Variants in MACROD2 observed in about 807,000 individuals in gnomAD.
MACROD2 encodes the protein ADP-ribose glycohydrolase MACROD2.
In MACROD2, 36 loss-of-function variants were observed where a neutral mutation model predicts 70.4. The observed-to-expected ratio is 0.51, with a 90% CI of 0.39 to 0.68. The LOEUF is 0.68. MACROD2 is among the 30% of genes least tolerant of loss of function. MACROD2 has a pLI of 0.00. For synonymous variants in MACROD2, 172 were observed against 178.8 expected, an observed-to-expected ratio of 0.96 and a Z score of 0.30; for missense variants, 496 against 538.4, an observed-to-expected ratio of 0.92 and a Z score of 0.78.
At chr20:16,033,352 C>T (rs2147588082) in intron 15 of MACROD2, among the ~76,000 whole-genome samples, 1 of 152,212 alleles carries the variant, frequency 6.6e-6, no homozygotes, top group South Asian at 2.1e-4. Context: ...GAGATTTAAT[C>T]TAGCTACATC....
rs2076984620 is a variant in MACROD2 at position 15,233,983 on chromosome 20, T to TATATA, written c.540+3922_540+3923insATATA. 3.8e-3 allele frequency among the ~76,000 whole-genome samples: 167 copies of TATATA among 43,982 alleles called. 5 individuals are homozygous for TATATA. Among genetic ancestry groups the TATATA allele is most frequent in the Non-Finnish European group, 5.8e-3 (142 of 24,574 alleles). 28.9% of individuals were successfully genotyped at this position (43,982 alleles called of 152,430 possible). ...AAAATTTATTTTTATATATATTTATTTATATATATATATATATATATATAT... is the reference window on the plus strand; with the variant it reads ...AAAATTTATTTTTATATATATTTATTATATATATATATATATATATATATATATAT... On this transcript the variant is annotated intron_variant, in intron 6 of 17. Transcript: ENST00000684519.
intron 8 of MACROD2, among the ~76,000 whole-genome samples, chr20:15,815,592 C>A (rs6135555): frequency 0.48 from 72,313 of 151,822 alleles, 18,052 homozygotes; most frequent in African/African-American, 0.63. Flanking sequence ...TGACATCTTC[C>A]TGATCGTAGC....
At chr20:14,474,072 C>A (rs955416285) in intron 3 of MACROD2, among the ~76,000 whole-genome samples, 11 of 151,502 alleles carry the variant, frequency 7.3e-5, no homozygotes, top group Admixed American at 2.0e-4. Flanking sequence ...GATATTAACC[C>A]CTTGTTAGAT....
intron 8 of MACROD2, among the ~76,000 whole-genome samples, chr20:15,584,719 G>A (rs1410435804): frequency 6.6e-6 from 1 of 152,164 alleles, no homozygotes; most frequent in Non-Finnish European, 1.5e-5. Flanking sequence ...GCCGGGGCTG[G>A]TTACCACCTT....
At chr20:14,983,534 G>C (rs2074821057) in intron 5 of MACROD2, among the ~76,000 whole-genome samples, 1 of 152,132 alleles carries the variant, frequency 6.6e-6, no homozygotes, top group Admixed American at 6.5e-5. Flanking sequence ...CTGTTCTCGT[G>C]ATAGGGAATA....
At chr20:14,834,874 A>ATATATG (rs1191981306) in intron 5 of MACROD2, among the ~76,000 whole-genome samples, 2 of 151,928 alleles carry the variant, frequency 1.3e-5, no homozygotes, top group African/African-American at 4.8e-5. Context: ...ATATGTGTGT[A>ATATATG]TATATGTATA....
chr20:15,024,344 A>G (rs2122976185), intron 5 of MACROD2, among the ~76,000 whole-genome samples: 1 of 152,298 alleles, frequency 6.6e-6, no homozygotes, highest in South Asian at 2.1e-4. Flanking sequence ...TTTTAACAGG[A>G]AGGACAAGAA....
intron 5 of MACROD2, among the ~76,000 whole-genome samples, chr20:15,048,413 G>A (rs1486220084): frequency 6.6e-6 from 1 of 151,276 alleles, no homozygotes; most frequent in Non-Finnish European, 1.5e-5. Flanking sequence ...CTCTTTGACT[G>A]TTTCATCTCA....
chr20:15,443,919 A>C (rs1241280817), intron 7 of MACROD2, among the ~76,000 whole-genome samples: 2 of 152,178 alleles, frequency 1.3e-5, no homozygotes, highest in Non-Finnish European at 2.9e-5. Flanking sequence ...AGACGATAAC[A>C]GGAGAGTCAG....
At chr20:15,719,330 C>T (rs897709209) in intron 8 of MACROD2, among the ~76,000 whole-genome samples, 1 of 152,142 alleles carries the variant, frequency 6.6e-6, no homozygotes, top group Non-Finnish European at 1.5e-5. Context: ...GGTACTGCAG[C>T]AAACTAACAG....
chr20:15,089,034 G>GT (rs1039674004), intron 5 of MACROD2, among the ~76,000 whole-genome samples: 2 of 152,060 alleles, frequency 1.3e-5, no homozygotes, highest in African/African-American at 2.4e-5. Flanking sequence ...GAGTAGGACA[G>GT]TTTTTTTTCT....
At chr20:15,306,501 C>T (rs2077699153) in intron 6 of MACROD2, among the ~76,000 whole-genome samples, 1 of 152,140 alleles carries the variant, frequency 6.6e-6, no homozygotes, top group South Asian at 2.1e-4. Context: ...CCCAAAGTAT[C>T]ATAGGTGTTT....
At chr20:15,634,122 C>G (rs2049331284) in intron 8 of MACROD2, among the ~76,000 whole-genome samples, 1 of 152,170 alleles carries the variant, frequency 6.6e-6, no homozygotes, top group Non-Finnish European at 1.5e-5. Context: ...AAACGATGAG[C>G]ATACAGGTAA....
intron 8 of MACROD2, among the ~76,000 whole-genome samples, chr20:15,554,503 T>C (rs2048139775): frequency 6.6e-6 from 1 of 152,044 alleles, no homozygotes; most frequent in Admixed American, 6.5e-5. Context: ...AAGTTTCATA[T>C]TTTTGGCTTT....
intron 3 of MACROD2, among the ~76,000 whole-genome samples, chr20:14,089,424 C>A (rs1455660496): frequency 6.6e-6 from 1 of 152,162 alleles, no homozygotes; most frequent in African/African-American, 2.4e-5. Flanking sequence ...GCCAAAGCAG[C>A]CCAGTTGTCA....
chr20:15,643,182 T>C lies in MACROD2; in HGVS notation c.645+143335T>C, dbSNP rs577869312. Among the ~76,000 whole-genome samples, 10 of 152,318 alleles carry C rather than the reference T, an allele frequency of 6.6e-5. No homozygotes were observed. In the South Asian group the frequency reaches 1.5e-3, roughly 22 times the overall value. The stretch of plus-strand genomic sequence containing the variant: ...CTTCCACCAGCTGTTCAACGTTCTC[T>C]ACAACCTGACCTGCTTACATGTTAA... On this transcript the variant is annotated intron_variant, in intron 8 of 17. Transcript: ENST00000684519.
In MACROD2 at chr20:14,354,965, T is replaced by C. The variant is rs140455462; in HGVS notation, c.272-138514T>C. On this transcript the variant is annotated intron_variant, in intron 3 of 17. Transcript: ENST00000684519. ...TCTGTGTTGCTGCAAAGATATGATTTCATTCTTTCTTATGGCTGTGTAATA... is the reference window on the plus strand; with the variant it reads ...TCTGTGTTGCTGCAAAGATATGATTCCATTCTTTCTTATGGCTGTGTAATA... Among the ~76,000 whole-genome samples, 87 of 152,338 alleles carry C rather than the reference T, an allele frequency of 5.7e-4. 1 individual carries two copies. The highest frequency in any genetic ancestry group is 2.1e-3 in the African/African-American group (86 of 41,588).
At chr20:14,046,467 G>A (rs1402484222) in intron 2 of MACROD2, among the ~76,000 whole-genome samples, 2 of 152,122 alleles carry the variant, frequency 1.3e-5, no homozygotes, top group African/African-American at 2.4e-5. Context: ...ATAAACAACT[G>A]CTTTTGAGAG....
intron 8 of MACROD2, among the ~76,000 whole-genome samples, chr20:15,716,097 T>G (rs1463306560): frequency 6.6e-6 from 1 of 152,184 alleles, no homozygotes; most frequent in East Asian, 1.9e-4. Flanking sequence ...TTACAGATAC[T>G]GCAAGAGAAG....
Sources: gnomAD v4.1 joint callset for allele counts (sites outside exome capture counted in the v4.1 genomes callset) on GRCh38, gnomAD v4.1.1 for gene constraint, MANE v1.5 for transcripts, NCBI Gene and HGNC (gene_info 2026-07-23, HGNC 2026-07-21) for gene names.